The following INKA2 variants were observed in gnomAD, a reference collection of about 807,000 sequenced individuals.
INKA2 encodes inka box actin regulator 2, also known as PAK4-inhibitor INKA2.
Under a neutral mutation model 9.8 loss-of-function variants are expected in INKA2, and 3 were observed. That is an observed-to-expected ratio of 0.31 (90% CI 0.14 to 0.79). The LOEUF (loss-of-function observed/expected upper bound fraction) is 0.79, where lower values mean the gene tolerates loss of function less well. INKA2 is among the 30% of genes least tolerant of loss of function. The pLI is 0.62. For synonymous variants in INKA2, 147 were observed against 143.3 expected (o/e 1.03, Z -0.18); for missense variants, 392 against 384.4 (o/e 1.02, Z -0.17).
intron 1 of INKA2, among the ~76,000 whole-genome samples, chr1:111,734,318 C>T (rs1662969839): frequency 6.6e-6 from 1 of 152,198 alleles, no homozygotes; most frequent in Admixed American, 6.5e-5. Context: ...AGCCCTCTTC[C>T]CTCTGACCAC....
chr1:111,727,802 C>T lies in INKA2; in HGVS notation c.60G>A (p.Met20Ile), dbSNP rs746461949. The T allele has an allele frequency of 1.6e-5, 25 of 1,603,818 alleles. No homozygotes were observed. The highest frequency in any genetic ancestry group is 1.9e-5 in the Non-Finnish European group (23 of 1,179,930). The change falls in exon 2 of 2, where the codon ATG becomes ATA. Residue 20 changes from methionine (M) to isoleucine (I), a missense_variant and splice_region_variant. Physicochemically the swap from Met to Ile is conservative, Grantham distance 10. Coordinates refer to ENST00000357260, the MANE Select transcript of INKA2 (RefSeq NM_019099.5). ...AGCCATCACCCACCTCCTTCATGGACATCTGCAGGGGAGAGAGAAAGCATG... is the reference window on the plus strand; with the variant it reads ...AGCCATCACCCACCTCCTTCATGGATATCTGCAGGGGAGAGAGAAAGCATG... ...CYLRRLKQEL[M>I]SMKEVGDGLQ...
At chr1:111,747,409 C>G (rs1349005238) in intron 1 of INKA2, 1 of 151,030 alleles carries the variant, frequency 6.6e-6, no homozygotes, top group East Asian at 2.0e-4. Flanking sequence ...TGGTGTGTTA[C>G]AGCTACACAC....
chr1:111,732,071 T>A (rs1662917777), intron 1 of INKA2, among the ~76,000 whole-genome samples: 1 of 151,682 alleles, frequency 6.6e-6, no homozygotes, highest in Non-Finnish European at 1.5e-5. Flanking sequence ...GAAGGAGGAG[T>A]TGTGGGAACC....
At chr1:111,738,058 G>A (rs1444387579) in intron 1 of INKA2, among the ~76,000 whole-genome samples, 1 of 152,220 alleles carries the variant, frequency 6.6e-6, no homozygotes, top group Non-Finnish European at 1.5e-5. Flanking sequence ...CAGGCCTGCT[G>A]TTGTGTGGCC....
chr1:111,723,046 C>G lies in INKA2; in HGVS notation c.*3922G>C. Reference sequence around the variant, plus strand: ...CAAGCTTCCACAGTGACAGAGGGGGCTCTCAAATCTTAACTCCAAGTCTAG... The same window carrying G: ...CAAGCTTCCACAGTGACAGAGGGGGGTCTCAAATCTTAACTCCAAGTCTAG... On this transcript the variant is annotated 3_prime_UTR_variant, in exon 2 of 2. Transcript: ENST00000357260. The G allele has an allele frequency of 1.4e-6, 1 of 701,942 alleles. No individual in the cohort carries two copies. The highest frequency in any genetic ancestry group is 2.6e-6 in the Non-Finnish European group (1 of 384,590). The allele number at this position is 701,942 out of a possible 1,614,324, so 43.5% of individuals were successfully genotyped here.
upstream of INKA2, chr1:111,739,984 G>A (rs1236098686): frequency 6.6e-6 from 1 of 152,272 alleles, no homozygotes; most frequent in Non-Finnish European, 1.5e-5. Context: ...CTGCGCCCCT[G>A]GCAAGGCTGT....
At chr1:111,735,399 C>T (rs1383578453) in intron 1 of INKA2, among the ~76,000 whole-genome samples, 1 of 152,182 alleles carries the variant, frequency 6.6e-6, no homozygotes, top group Non-Finnish European at 1.5e-5. Context: ...TGGCGAGGCA[C>T]TTAAATTGTC....
At chr1:111,746,953 C>A (rs182183155) in intron 1 of INKA2, 1 of 152,164 alleles carries the variant, frequency 6.6e-6, no homozygotes. Context: ...TTTTCTCCTC[C>A]GTGATCTCTA....
intron 1 of INKA2, among the ~76,000 whole-genome samples, chr1:111,748,391 T>A (rs1020974057): frequency 6.6e-6 from 1 of 152,202 alleles, no homozygotes; most frequent in East Asian, 1.9e-4. Flanking sequence ...ATAATCCCAC[T>A]GCTACCTTCT....
chr1:111,748,599 A>C (rs2101396353), intron 1 of INKA2, among the ~76,000 whole-genome samples: 1 of 152,142 alleles, frequency 6.6e-6, no homozygotes, highest in East Asian at 1.9e-4. Context: ...GTCAGCAAAT[A>C]AGAAAAAGGG....
chr1:111,730,615 C>G (rs899791078), intron 1 of INKA2, among the ~76,000 whole-genome samples: 1 of 152,098 alleles, frequency 6.6e-6, no homozygotes, highest in South Asian at 2.1e-4. Flanking sequence ...CAGGAATATC[C>G]CTACTCCCTG....
chr1:111,739,309 T>A lies in INKA2; in HGVS notation c.-67A>T. The A allele has an allele frequency of 6.2e-7, 1 of 1,601,598 alleles. No homozygotes were observed. Among genetic ancestry groups the A allele is most frequent in the South Asian group, 1.1e-5 (1 of 89,812 alleles). ...GTGAAACCCCGGCCCCACTGGAAAC[T>A]GCGCTCCGGGCCGGCTCCCCGCCCC... On this transcript the variant is annotated 5_prime_UTR_variant, in exon 1 of 2. Transcript: ENST00000357260.
chr1:111,730,500 A>G (rs1662882422), intron 1 of INKA2, among the ~76,000 whole-genome samples: 1 of 152,154 alleles, frequency 6.6e-6, no homozygotes, highest in Non-Finnish European at 1.5e-5. Flanking sequence ...TCTTCCCAGC[A>G]CACACCTCCT....
At chr1:111,741,590 G>A (rs1297282133), upstream of INKA2, among the ~76,000 whole-genome samples, 1 of 152,208 alleles carries the variant, frequency 6.6e-6, no homozygotes, top group Non-Finnish European at 1.5e-5. Context: ...GGACTTCAAT[G>A]GGGACAAACA....
chr1:111,727,329 C>A lies in INKA2; in HGVS notation c.533G>T (p.Gly178Val), dbSNP rs1662803950. ...CCCCCCAGTCTCACCCTTCTCCCCACCCTTCTCCAGTTCTGGCAAGTCTAG... is the reference window on the plus strand; with the variant it reads ...CCCCCCAGTCTCACCCTTCTCCCCAACCTTCTCCAGTTCTGGCAAGTCTAG... ...NWLDLPELEK[G>V]GEKGETGGAR... The change falls in exon 2 of 2, where the codon GGT (glycine) becomes GTT (valine). Residue 178 changes from glycine to valine, a missense_variant. Gly to Val is a moderately radical substitution (Grantham distance 109). Coordinates refer to ENST00000357260, the MANE Select transcript of INKA2 (RefSeq NM_019099.5). The A allele has an allele frequency of 1.2e-6, 2 of 1,614,182 alleles. No individual in the cohort carries two copies. Among genetic ancestry groups the A allele is most frequent in the African/African-American group, 2.7e-5 (2 of 75,044 alleles).
At position 111,725,364 on chromosome 1, in the gene INKA2, A is replaced by C. The variant is rs1270142506; in HGVS notation, c.*1604T>G. ...AGATCCACATTGTCTTTTCCCAGCC[A>C]GTGAGTGTTCCCTACTGGAGTGGGA... is the stretch of plus-strand genomic sequence containing the variant. On this transcript the variant is annotated 3_prime_UTR_variant, in exon 2 of 2. Coordinates refer to ENST00000357260, the MANE Select transcript of INKA2 (RefSeq NM_019099.5). The C allele has an allele frequency of 6.6e-6, 1 of 152,184 alleles. No individual in the cohort carries two copies. Among genetic ancestry groups the C allele is most frequent in the Non-Finnish European group, 1.5e-5 (1 of 68,048 alleles). The allele number at this position is 152,184 out of a possible 1,614,324, so 9.4% of individuals were successfully genotyped here.
chr1:111,723,174 C>T lies in INKA2; in HGVS notation c.*3794G>A, dbSNP rs1170148072. 9.0e-6 allele frequency: 6 copies of T among 669,530 alleles called. No homozygotes were observed. In the Admixed American group the frequency reaches 1.1e-4, roughly 12 times the overall value. The allele number at this position is 669,530 out of a possible 1,614,324, so 41.5% of individuals were successfully genotyped here. On this transcript the variant is annotated 3_prime_UTR_variant, in exon 2 of 2. Coordinates refer to ENST00000357260, the MANE Select transcript of INKA2 (RefSeq NM_019099.5). ...CTGGAGAAGGTGGGGACAAGGTGTG[C>T]TCTTGCTCTTGTCCAGACCACGTAG...
rs928044244 is a variant in INKA2 at position 111,725,864 on chromosome 1, C to T, written c.*1104G>A. On this transcript the variant is annotated 3_prime_UTR_variant, in exon 2 of 2. Coordinates refer to ENST00000357260, the MANE Select transcript of INKA2 (RefSeq NM_019099.5). ...TCTCCTGCCTCAGCCTCCCAAGTAG[C>T]TGGGTTTACAGGCGTGTGCCACCAC... is the stretch of plus-strand genomic sequence containing the variant. 1.4e-4 allele frequency: 47 copies of T among 328,868 alleles called. 1 individual carries two copies. Among genetic ancestry groups the T allele is most frequent in the African/African-American group, 1.0e-3 (47 of 46,694 alleles). 20.4% of individuals were successfully genotyped at this position (328,868 alleles called of 1,614,324 possible).
At chr1:111,742,111 G>T (rs1199057572), upstream of INKA2, among the ~76,000 whole-genome samples, 2 of 152,192 alleles carry the variant, frequency 1.3e-5, no homozygotes, top group Non-Finnish European at 2.9e-5. Flanking sequence ...GGAGGCTAAG[G>T]TTGAAAATCC....
Sources: gnomAD v4.1 joint callset for allele counts (sites outside exome capture counted in the v4.1 genomes callset) on GRCh38, gnomAD v4.1.1 for gene constraint, MANE v1.5 for transcripts, NCBI Gene and HGNC (gene_info 2026-07-23, HGNC 2026-07-21) for gene names.